ADAM32: variants seen among roughly 807,000 people sequenced by gnomAD.
The protein encoded by ADAM32 is ADAM metallopeptidase domain 32.
Under a neutral mutation model 114.9 loss-of-function variants are expected in ADAM32, and 89 were observed. The observed-to-expected ratio is 0.77, with a 90% CI of 0.65 to 0.92. The LOEUF (loss-of-function observed/expected upper bound fraction) is 0.92, where lower values mean the gene tolerates loss of function less well. Among genes scored for constraint, ADAM32 ranks in the 40% least tolerant of loss-of-function variants. ADAM32 has a pLI of 0.00. For missense variants in ADAM32, 870 were observed against 932.8 expected, an observed-to-expected ratio of 0.93 and a Z score of 0.88; for synonymous variants, 285 against 307.5, an observed-to-expected ratio of 0.93 and a Z score of 0.77.
intron 9 of ADAM32, 93 bp from the exon 10 acceptor site, chr8:39,169,823 A>AT (rs1276524931): frequency 1.1e-6 from 1 of 930,066 alleles, no homozygotes; most frequent in East Asian, 2.7e-5. Context: ...TCAGATTTGG[A>AT]TTTTATGAAC....
At chr8:39,156,818 T>C (rs1448394297) in intron 6 of ADAM32, among the ~76,000 whole-genome samples, 4 of 152,158 alleles carry the variant, frequency 2.6e-5, no homozygotes, top group East Asian at 1.9e-4. Flanking sequence ...ACCAGTTACA[T>C]TGCATCAGAG....
At chr8:39,139,853 G>A (rs1321808391) in intron 3 of ADAM32, among the ~76,000 whole-genome samples, 1 of 152,120 alleles carries the variant, frequency 6.6e-6, no homozygotes, top group African/African-American at 2.4e-5. Flanking sequence ...ATTTCATTGA[G>A]CAGTGATTTG....
chr8:39,278,657 A>T (rs982602473), intron 22 of ADAM32, among the ~76,000 whole-genome samples: 1 of 151,348 alleles, frequency 6.6e-6, no homozygotes, highest in African/African-American at 2.4e-5. Flanking sequence ...TATTATTACT[A>T]TTATTATAAT....
At chr8:39,269,080 G>C (rs62504811) in intron 19 of ADAM32, among the ~76,000 whole-genome samples, 1 of 152,216 alleles carries the variant, frequency 6.6e-6, no homozygotes, top group South Asian at 2.1e-4. Context: ...AGAGGCGAGG[G>C]AGGGGGTCTT....
intron 2 of ADAM32, among the ~76,000 whole-genome samples, chr8:39,120,132 G>T (rs1025691971): frequency 6.6e-6 from 1 of 152,186 alleles, no homozygotes; most frequent in Non-Finnish European, 1.5e-5. Context: ...ATACATTTTT[G>T]TTGGTTAAGC....
At chr8:39,250,163 TC>T in intron 17 of ADAM32, among the ~76,000 whole-genome samples, 1 of 152,196 alleles carries the variant, frequency 6.6e-6, no homozygotes, top group Admixed American at 6.5e-5. Context: ...TTCAAATATT[TC>T]TTCTATTCCA....
intron 15 of ADAM32, among the ~76,000 whole-genome samples, chr8:39,233,083 G>T (rs895910929): frequency 6.6e-5 from 10 of 152,166 alleles, no homozygotes; most frequent in African/African-American, 2.2e-4. Flanking sequence ...CCAGAAAGGG[G>T]TCTGAATACG....
intron 5 of ADAM32, 93 bp downstream of exon 5, chr8:39,149,960 GC>G: frequency 1.0e-6 from 1 of 953,952 alleles, no homozygotes; most frequent in Non-Finnish European, 1.6e-6. Flanking sequence ...GGTTGAAGGA[GC>G]TTTCCTATGT....
intron 9 of ADAM32, chr8:39,168,395 G>A (rs1804981685): frequency 6.6e-6 from 1 of 152,204 alleles, no homozygotes; most frequent in Admixed American, 6.5e-5. Flanking sequence ...CCCTCAAGGA[G>A]CACGGCACCA....
chr8:39,174,199 G>A (rs1479615865), intron 10 of ADAM32, among the ~76,000 whole-genome samples: 1 of 152,124 alleles, frequency 6.6e-6, no homozygotes, highest in Non-Finnish European at 1.5e-5. Flanking sequence ...AGTTCTCCCA[G>A]GTCCATTTAT....
At chr8:39,188,226 A>T (rs1441494017) in intron 11 of ADAM32, among the ~76,000 whole-genome samples, 1 of 152,188 alleles carries the variant, frequency 6.6e-6, no homozygotes, top group Non-Finnish European at 1.5e-5. Flanking sequence ...ACATGCAATT[A>T]TATTACAAAT....
intron 3 of ADAM32, among the ~76,000 whole-genome samples, chr8:39,139,573 T>C (rs1803016968): frequency 6.6e-6 from 1 of 152,222 alleles, no homozygotes; most frequent in Admixed American, 6.5e-5. Context: ...TTTTGGTTAC[T>C]GTAGCCTTGT....
At chr8:39,233,666 A>G (rs1809897887) in intron 15 of ADAM32, among the ~76,000 whole-genome samples, 1 of 152,162 alleles carries the variant, frequency 6.6e-6, no homozygotes, top group Non-Finnish European at 1.5e-5. Context: ...TCTATTCAAG[A>G]TAGAGTCATT....
Position 39,283,350 on chromosome 8 carries a change from G to A in ADAM32, c.2319-236G>A, listed in dbSNP as rs571415109. Among the ~76,000 whole-genome samples the A allele has an allele frequency of 9.8e-4, 146 of 148,824 alleles. 1 individual carries two copies. Among genetic ancestry groups the A allele is most frequent in the Non-Finnish European group, 5.8e-4 (39 of 67,658 alleles). On this transcript the variant is annotated intron_variant, in intron 23 of 24. Transcript: ENST00000379907. ...TTTGAGCCCCCAGGAGGTTGAGGCTGTGGTGGGCCACAGTCATATTACTGC... is the reference window on the plus strand; with the variant it reads ...TTTGAGCCCCCAGGAGGTTGAGGCTATGGTGGGCCACAGTCATATTACTGC...
chr8:39,185,341 A>AC (rs1806158457), intron 10 of ADAM32, among the ~76,000 whole-genome samples: 1 of 61,654 alleles, frequency 1.6e-5, no homozygotes, highest in Admixed American at 2.4e-4. Context: ...TCTCCAGTCT[A>AC]CAAAAAAAAA....
Position 39,158,567 on chromosome 8 carries a change from A to T in ADAM32, c.526-2330A>T, listed in dbSNP as rs1804302771. On this transcript the variant is annotated intron_variant, in intron 6 of 24. Transcript: ENST00000379907. The stretch of plus-strand genomic sequence containing the variant: ...TCATGCCAGCCTTGTATCCCAGGAA[A>T]GCTGTGAGGTGGACCAGTTTAGAAG... 35 of 347,544 alleles carry T rather than the reference A, an allele frequency of 1.0e-4. 1 individual carries two copies. Among genetic ancestry groups the T allele is most frequent in the South Asian group, 9.8e-4 (35 of 35,840 alleles). The allele number at this position is 347,544 out of a possible 1,614,324, so 21.5% of individuals were successfully genotyped here.
intron 6 of ADAM32, chr8:39,158,489 C>T: frequency 7.0e-6 from 2 of 286,240 alleles, no homozygotes; most frequent in South Asian, 7.8e-5. Context: ...AGCCTCTACC[C>T]CTTCCTTCTT....
intron 11 of ADAM32, among the ~76,000 whole-genome samples, chr8:39,207,216 G>A (rs1807901266): frequency 6.6e-6 from 1 of 152,024 alleles, no homozygotes; most frequent in Non-Finnish European, 1.5e-5. Context: ...ATGAATTCCA[G>A]TGCTTGCTCT....
At chr8:39,132,457 G>A (rs917660397) in intron 2 of ADAM32, among the ~76,000 whole-genome samples, 13 of 152,018 alleles carry the variant, frequency 8.6e-5, no homozygotes, top group Admixed American at 4.6e-4. Flanking sequence ...TTTCTTCTCT[G>A]TACTGTTCTT....
Sources: gnomAD v4.1 joint callset for allele counts (sites outside exome capture counted in the v4.1 genomes callset) on GRCh38, gnomAD v4.1.1 for gene constraint, MANE v1.5 for transcripts, NCBI Gene and HGNC (gene_info 2026-07-23, HGNC 2026-07-21) for gene names.